ZNF273: variants seen among roughly 807,000 people sequenced by gnomAD.
ZNF273 encodes zinc finger protein 9.
A neutral mutation model predicts 14.9 loss-of-function variants in ZNF273; 11 were observed. The ratio of observed to expected loss-of-function variants is 0.74; its 90% confidence interval spans 0.46 to 1.22. The LOEUF is 1.22. ZNF273 is among the 50% of genes most tolerant of loss of function. ZNF273 has a pLI of 0.00. For synonymous variants in ZNF273, 199 were observed against 223.9 expected (o/e 0.89, Z 0.99); for missense variants, 577 against 660.6 (o/e 0.87, Z 1.39).
At position 64,928,212 on chromosome 7, in the gene ZNF273, G is replaced by T. The variant is rs1292803358; in HGVS notation, c.884G>T (p.Cys295Phe). The change falls in exon 4 of 4, where the codon TGT becomes TTT. Residue 295 changes from cysteine to phenylalanine, a missense_variant. By Grantham distance (205) the Cys-to-Phe change is radical (BLOSUM62 -2). Transcript: ENST00000476120. ...TEEKPYKCEDCGKVFSVFSVL... is the reference protein window; with the variant it reads ...TEEKPYKCEDFGKVFSVFSVL... ...GAGAAACCTTACAAATGTGAAGATT[G>T]TGGCAAAGTCTTTAGTGTATTTTCA... 2 of 1,613,450 alleles carry T rather than the reference G, an allele frequency of 1.2e-6. No homozygotes were observed. The highest frequency in any genetic ancestry group is 3.3e-5 in the Admixed American group (2 of 59,916).
chr7:64,927,619 G>C (rs761823507), intron 3 of ZNF273, 35 bp from the exon 4 acceptor site: 3 of 1,512,836 alleles, frequency 2.0e-6, no homozygotes, highest in African/African-American at 1.4e-5. Context: ...TCTGAGTCTA[G>C]TAAGTGGGGT....
At chr7:64,931,543 T>C (rs948448102), downstream of ZNF273, among the ~76,000 whole-genome samples, 25 of 152,316 alleles carry the variant, frequency 1.6e-4, no homozygotes, top group African/African-American at 6.0e-4. Flanking sequence ...ATTTATTTAG[T>C]TAAAACATTG....
intron 2 of ZNF273, 88 bp downstream of exon 2, chr7:64,917,795 A>G: frequency 7.3e-7 from 1 of 1,364,082 alleles, no homozygotes; most frequent in Non-Finnish European, 9.9e-7. Flanking sequence ...GCATAAATAA[A>G]TTTTAGATCC....
chr7:64,933,673 T>C (rs1169803200), downstream of ZNF273: 1 of 152,344 alleles, frequency 6.6e-6, no homozygotes, highest in African/African-American at 2.4e-5. Context: ...CTAAGTATTT[T>C]TGATACTATT....
Position 64,928,055 on chromosome 7 carries a change from T to C in ZNF273, c.727T>C (p.Phe243Leu), listed in dbSNP as rs770235184. The change falls in exon 4 of 4, where the codon TTT (phenylalanine) becomes CTT (leucine). Residue 243 changes from phenylalanine (F) to leucine (L), a missense_variant. This residue lies in a region of ZNF273 where 411 missense variants were observed against 440.4 expected (regional missense o/e 0.93). Coordinates refer to ENST00000476120, the MANE Select transcript of ZNF273 (RefSeq NM_021148.3). ...CAAATGTAAGACATGTGGAAAAGCC[T>C]TTAACCAGTTCTCAAATCTTACTAA... is the stretch of plus-strand genomic sequence containing the variant. ...FYKCKTCGKAFNQFSNLTKHK... is the reference protein window; with the variant it reads ...FYKCKTCGKALNQFSNLTKHK... 1.2e-6 allele frequency: 2 copies of C among 1,613,956 alleles called. No homozygotes were observed. The highest frequency in any genetic ancestry group is 1.7e-6 in the Non-Finnish European group (2 of 1,179,934).
downstream of ZNF273, chr7:64,889,636 AC>A: frequency 4.1e-6 from 4 of 985,356 alleles, no homozygotes; most frequent in Non-Finnish European, 4.8e-6. This position sits in a 1 kb window ranked among gnomAD's most constrained non-coding sequence, Gnocchi z 4.2. Context: ...GCTGCTGCTG[AC>A]CGGAGCCGCC....
At chr7:64,882,247 T>G (rs959116241), downstream of ZNF273, among the ~76,000 whole-genome samples, 1 of 152,208 alleles carries the variant, frequency 6.6e-6, no homozygotes, top group African/African-American at 2.4e-5. Context: ...CACAGCCTTT[T>G]TCGGGAAGGG....
chr7:64,929,015 A>T lies in ZNF273; in HGVS notation c.1687A>T (p.Asn563Tyr). ...CCCAAACTTTTCTAGACATAAAAGAAATCATATGGGTGAGAAATCCTAGAA... is the reference window on the plus strand; with the variant it reads ...CCCAAACTTTTCTAGACATAAAAGATATCATATGGGTGAGAAATCCTAGAA... ...NTPNFSRHKR[N>Y]HMGEKS The change falls in exon 4 of 4, where the codon AAT becomes TAT. Residue 563 changes from asparagine (N) to tyrosine (Y), a missense_variant. Asn to Tyr is a moderately radical substitution (Grantham distance 143). Transcript: ENST00000476120. 1 of 1,552,788 alleles carries T rather than the reference A, an allele frequency of 6.4e-7. No individual in the cohort carries two copies. Among genetic ancestry groups the T allele is most frequent in the Non-Finnish European group, 8.7e-7 (1 of 1,155,256 alleles).
intron 3 of ZNF273, among the ~76,000 whole-genome samples, chr7:64,923,051 A>G (rs1046493141): frequency 1.2e-4 from 19 of 152,238 alleles, no homozygotes; most frequent in Admixed American, 1.3e-4. Flanking sequence ...TAATTATATT[A>G]TGCAACATTT....
At chr7:64,896,468 G>A in intron 3 of ZNF273, among the ~76,000 whole-genome samples, 1 of 151,446 alleles carries the variant, frequency 6.6e-6, no homozygotes, top group Non-Finnish European at 1.5e-5. Context: ...TGTTATTCCA[G>A]GAAAAATAAT....
intron 1 of ZNF273, among the ~76,000 whole-genome samples, chr7:64,905,721 A>T (rs1254221834): frequency 6.6e-6 from 1 of 152,194 alleles, no homozygotes; most frequent in Non-Finnish European, 1.5e-5. Context: ...GTCGTTGAGC[A>T]CTTAAGTGAG....
At chr7:64,887,449 C>G (rs1791659445) in intron 1 of ZNF273, among the ~76,000 whole-genome samples, 1 of 152,186 alleles carries the variant, frequency 6.6e-6, no homozygotes, top group Non-Finnish European at 1.5e-5. Flanking sequence ...TGGAGAGGGC[C>G]AGTGTCCTCT....
chr7:64,886,068 C>T (rs940065220), intron 1 of ZNF273, among the ~76,000 whole-genome samples: 1 of 135,288 alleles, frequency 7.4e-6, no homozygotes, highest in Non-Finnish European at 1.6e-5. Context: ...GGGGAAACCA[C>T]ACTGATGCTG....
downstream of ZNF273, among the ~76,000 whole-genome samples, chr7:64,894,621 A>G (rs1792250214): frequency 6.6e-6 from 1 of 152,152 alleles, no homozygotes. Context: ...TTACCTTTCT[A>G]AAAAAGTAAA....
chr7:64,887,367 T>C (rs1235965271), intron 1 of ZNF273, among the ~76,000 whole-genome samples: 1 of 152,132 alleles, frequency 6.6e-6, no homozygotes, highest in Admixed American at 6.5e-5. Context: ...CACGTGGGTC[T>C]CCCTCCTTCC....
In ZNF273 at chr7:64,919,908, CT is replaced by C. The variant is rs1234064409; in HGVS notation, c.325+1628del. On this transcript the variant is annotated intron_variant, in intron 3 of 3. Transcript: ENST00000476120. ...TCCTCAATTTCAATGGCTATTTTTTCTTTTTTTTTTTTAAACTAATTCTTCT... is the reference window on the plus strand; with the variant it reads ...TCCTCAATTTCAATGGCTATTTTTTCTTTTTTTTTTTAAACTAATTCTTCT... Among the ~76,000 whole-genome samples the C allele has an allele frequency of 1.0e-2, 1,416 of 141,662 alleles. 10 individuals carry two copies. The highest frequency in any genetic ancestry group is 0.029 in the African/African-American group (1,123 of 38,936). The allele number at this position is 141,662 out of a possible 152,430, so 92.9% of individuals were successfully genotyped here.
intron 1 of ZNF273, among the ~76,000 whole-genome samples, chr7:64,904,074 AG>A (rs1245653494): frequency 6.6e-6 from 1 of 152,162 alleles, no homozygotes; most frequent in African/African-American, 2.4e-5. Context: ...ATTTACAAAA[AG>A]TTTGAGTTAG....
At chr7:64,887,023 A>G (rs1036273514) in intron 1 of ZNF273, among the ~76,000 whole-genome samples, 3 of 152,140 alleles carry the variant, frequency 2.0e-5, no homozygotes, top group African/African-American at 7.2e-5. Context: ...CAAGAACTTT[A>G]CAGATGTCCC....
downstream of ZNF273, among the ~76,000 whole-genome samples, chr7:64,934,991 G>A (rs1795048998): frequency 6.6e-6 from 1 of 152,072 alleles, no homozygotes; most frequent in South Asian, 2.1e-4. Flanking sequence ...AGATTATAAT[G>A]TAAGGTGTTT....
Sources: allele counts gnomAD v4.1 joint callset (sites outside exome capture counted in the v4.1 genomes callset), GRCh38; gene constraint gnomAD v4.1.1; regional missense constraint gnomAD v4.1.1; non-coding constraint Gnocchi (gnomAD v3.1); transcripts MANE v1.5; gene names NCBI Gene and HGNC (gene_info 2026-07-23, HGNC 2026-07-21).